TMOD3: variants seen among roughly 807,000 people sequenced by gnomAD.
TMOD3 encodes tropomodulin-3.
In TMOD3, 20 loss-of-function variants were observed where a neutral mutation model predicts 39.2. The ratio of observed to expected loss-of-function variants is 0.51; its 90% CI spans 0.36 to 0.74. TMOD3 has a LOEUF of 0.74. Among genes scored for constraint, TMOD3 ranks in the 30% least tolerant of loss-of-function variants. TMOD3 has a pLI of 0.00. For synonymous variants in TMOD3, 143 were observed against 145.8 expected (o/e 0.98, Z 0.14); for missense variants, 381 against 412.8 (o/e 0.92, Z 0.67).
chr15:51,885,046 C>T (rs1449558094), intron 3 of TMOD3, among the ~76,000 whole-genome samples: 2 of 152,226 alleles, frequency 1.3e-5, no homozygotes, highest in Non-Finnish European at 2.9e-5. Context: ...CTAACATGCA[C>T]ATCAGAGCTT....
intron 1 of TMOD3, among the ~76,000 whole-genome samples, chr15:51,834,587 T>A (rs2056271959): frequency 6.6e-6 from 1 of 152,112 alleles, no homozygotes; most frequent in Non-Finnish European, 1.5e-5. Context: ...TCCCAGCGCT[T>A]TGGGAGACCA....
chr15:51,853,116 A>C (rs2141677010), intron 1 of TMOD3, among the ~76,000 whole-genome samples: 1 of 152,360 alleles, frequency 6.6e-6, no homozygotes, highest in South Asian at 2.1e-4. Context: ...AAGCTACATG[A>C]ATAGCTGAAT....
intron 1 of TMOD3, chr15:51,859,293 C>G: frequency 2.7e-6 from 2 of 734,056 alleles, no homozygotes; most frequent in Non-Finnish European, 5.1e-6. Context: ...GTTTTCAGGT[C>G]TACCAAGGGG....
At position 51,893,719 on chromosome 15, in the gene TMOD3, C is replaced by T. The variant is rs900108173; in HGVS notation, c.497-96C>T. On this transcript the variant is annotated intron_variant, in intron 5 of 9. Transcript: ENST00000308580. ...GGCGGAGCTTGCAGTGAGCCGAGAT[C>T]GTGCCACTGCACTCCGGCCTGGGCG... The T allele has an allele frequency of 4.5e-5, 54 of 1,208,944 alleles. No homozygotes were observed. In the African/African-American group the frequency reaches 5.0e-4, roughly 11 times the overall value. The allele number at this position is 1,208,944 out of a possible 1,614,324, so 74.9% of individuals were successfully genotyped here. A position where few individuals can be genotyped will look rare whatever the true frequency, so the allele number is the denominator to read the frequency against.
chr15:51,895,116 C>G (rs2056614049), intron 6 of TMOD3, among the ~76,000 whole-genome samples: 1 of 151,882 alleles, frequency 6.6e-6, no homozygotes, highest in Non-Finnish European at 1.5e-5. Context: ...AATCTTGAGC[C>G]TAGGGAAGGA....
At chr15:51,905,418 C>T (rs1053578724) in intron 9 of TMOD3, among the ~76,000 whole-genome samples, 3 of 151,332 alleles carry the variant, frequency 2.0e-5, no homozygotes, top group Admixed American at 1.3e-4. Flanking sequence ...ACCCAGAAGG[C>T]GGAGGTTGCA....
intron 7 of TMOD3, chr15:51,899,030 ATATTT>A (rs2056635853): frequency 6.6e-6 from 1 of 152,228 alleles, no homozygotes. Flanking sequence ...GAGGAATTTA[ATATTT>A]TATTAGCCCC....
At chr15:51,854,442 G>C (rs1175610395) in intron 1 of TMOD3, among the ~76,000 whole-genome samples, 2 of 152,160 alleles carry the variant, frequency 1.3e-5, no homozygotes, top group African/African-American at 4.8e-5. Context: ...AGAGAGAATG[G>C]ATAAGAATCT....
chr15:51,902,625 G>A (rs2056657083), intron 9 of TMOD3, among the ~76,000 whole-genome samples: 2 of 142,744 alleles, frequency 1.4e-5, no homozygotes, highest in South Asian at 2.3e-4. Flanking sequence ...CGTGCGCGCC[G>A]TGCCCAGCTA....
intron 1 of TMOD3, chr15:51,859,740 G>C (rs927630918): frequency 2.0e-6 from 1 of 491,896 alleles, no homozygotes; most frequent in Non-Finnish European, 4.1e-6. Flanking sequence ...GAGTCAATCA[G>C]CACATGCACC....
At chr15:51,853,791 A>T (rs1044001218) in intron 1 of TMOD3, among the ~76,000 whole-genome samples, 3 of 100,412 alleles carry the variant, frequency 3.0e-5, no homozygotes, top group Admixed American at 1.1e-4. Flanking sequence ...ACTGTCTCTT[A>T]AAAAAAAAAA....
intron 7 of TMOD3, among the ~76,000 whole-genome samples, chr15:51,898,314 C>T (rs536135738): frequency 1.1e-4 from 17 of 152,300 alleles, no homozygotes; most frequent in African/African-American, 3.9e-4. Context: ...ATCACTTTGA[C>T]TCTTTGCTCA....
In TMOD3 at chr15:51,911,555, T is replaced by C. The variant is rs2056711915; in HGVS notation, c.*2745T>C. ...TAATAAATAGATTAGGGTTTTGCAATAGTCTTAATTTTTAAGCCAAAGGTT... is the reference window on the plus strand; with the variant it reads ...TAATAAATAGATTAGGGTTTTGCAACAGTCTTAATTTTTAAGCCAAAGGTT... On this transcript the variant is annotated 3_prime_UTR_variant, in exon 10 of 10. Transcript: ENST00000308580. 6.6e-6 allele frequency: 1 copy of C among 152,198 alleles called. No individual in the cohort carries two copies. Among genetic ancestry groups the C allele is most frequent in the Admixed American group, 6.5e-5 (1 of 15,276 alleles). The allele number at this position is 152,198 out of a possible 1,614,324, so 9.4% of individuals were successfully genotyped here.
intron 3 of TMOD3, among the ~76,000 whole-genome samples, chr15:51,873,669 G>A (rs2056487363): frequency 6.6e-6 from 1 of 151,266 alleles, no homozygotes; most frequent in African/African-American, 2.4e-5. Context: ...AGCTCTCATC[G>A]TAAATTAATT....
chr15:51,837,424 C>T (rs201754602), intron 1 of TMOD3, among the ~76,000 whole-genome samples: 5 of 142,062 alleles, frequency 3.5e-5, no homozygotes, highest in African/African-American at 1.3e-4. Context: ...GGGAACTATT[C>T]TTTTTTTTTT....
At chr15:51,845,148 TAGA>T (rs1346516921) in intron 1 of TMOD3, among the ~76,000 whole-genome samples, 6 of 152,192 alleles carry the variant, frequency 3.9e-5, no homozygotes, top group African/African-American at 1.2e-4. Flanking sequence ...CAATTAGAAT[TAGA>T]AGAGACCTGA....
At chr15:51,842,079 T>C (rs1284737303) in intron 1 of TMOD3, among the ~76,000 whole-genome samples, 5 of 152,102 alleles carry the variant, frequency 3.3e-5, no homozygotes, top group Non-Finnish European at 7.4e-5. Flanking sequence ...CCTGGCCTGG[T>C]TTGACTTTTT....
chr15:51,877,498 T>C (rs1202023520), intron 3 of TMOD3, among the ~76,000 whole-genome samples: 1 of 152,120 alleles, frequency 6.6e-6, no homozygotes, highest in East Asian at 1.9e-4. Flanking sequence ...ACCAACATGG[T>C]GAAACCCCAT....
rs1474841531 is a variant in TMOD3 at position 51,908,816 on chromosome 15, C to T, written c.*6C>T. On this transcript the variant is annotated 3_prime_UTR_variant, in exon 10 of 10. Transcript: ENST00000308580. ...TTGAAGGAGATCACCAGTAAGTCTGCAAAGGTGTAATCTTTGGAAGACTTC... is the reference window on the plus strand; with the variant it reads ...TTGAAGGAGATCACCAGTAAGTCTGTAAAGGTGTAATCTTTGGAAGACTTC... 6.2e-7 allele frequency: 1 copy of T among 1,604,918 alleles called. No individual in the cohort carries two copies.
Sources: allele counts gnomAD v4.1 joint callset (sites outside exome capture counted in the v4.1 genomes callset), GRCh38; gene constraint gnomAD v4.1.1; transcripts MANE v1.5; gene names NCBI Gene and HGNC (gene_info 2026-07-23, HGNC 2026-07-21).